KAZN: variants seen among roughly 807,000 people sequenced by gnomAD.
KAZN encodes the protein kazrin, periplakin interacting protein, also known as kazrin.
KAZN carries 40 observed loss-of-function variants against 87.4 expected under a neutral mutation model. The ratio of observed to expected loss-of-function variants is 0.46; its 90% CI spans 0.36 to 0.60. The LOEUF (loss-of-function observed/expected upper bound fraction) is 0.60, where lower values mean the gene tolerates loss of function less well. Ranked by LOEUF, KAZN falls within the 20% of genes least tolerant of loss-of-function variation. The probability of loss-of-function intolerance (pLI) is 0.00; values close to 1 mark genes in which losing one functional copy is unlikely to be tolerated. For synonymous variants in KAZN, 466 were observed against 458.3 expected, an observed-to-expected ratio of 1.02 and a Z score of -0.22; for missense variants, 898 against 1,073.9, an observed-to-expected ratio of 0.84 and a Z score of 2.29.
chr1:14,204,959 T>C (rs907106270), intron 2 of KAZN, among the ~76,000 whole-genome samples: 6 of 152,244 alleles, frequency 3.9e-5, no homozygotes, highest in Admixed American at 3.3e-4. Flanking sequence ...TCTGATTTCT[T>C]GCCAATATGA....
intron 13 of KAZN, among the ~76,000 whole-genome samples, chr1:15,109,924 GGT>G (rs202121050): frequency 2.7e-3 from 49 of 18,184 alleles, no homozygotes; most frequent in Admixed American, 5.4e-3. Flanking sequence ...TTTGTGTATG[GGT>G]GTGTGTGTGT....
At chr1:14,698,254 G>A (rs1641722790) in intron 1 of KAZN, among the ~76,000 whole-genome samples, 1 of 152,190 alleles carries the variant, frequency 6.6e-6, no homozygotes, top group Admixed American at 6.5e-5. Flanking sequence ...CAGAATGGTG[G>A]AAGTGAGCCG....
intron 2 of KAZN, among the ~76,000 whole-genome samples, chr1:14,358,353 A>G (rs1400014787): frequency 9.0e-6 from 1 of 111,138 alleles, no homozygotes; most frequent in East Asian, 2.1e-4. Flanking sequence ...TATTTTGTAA[A>G]TCTTTTAAAA....
At chr1:14,953,780 T>C (rs1662769856) in intron 1 of KAZN, among the ~76,000 whole-genome samples, 1 of 152,134 alleles carries the variant, frequency 6.6e-6, no homozygotes, top group Admixed American at 6.6e-5. Context: ...CTGCTGTAGC[T>C]CTAGCCATTG....
intron 2 of KAZN, among the ~76,000 whole-genome samples, chr1:14,294,273 A>G (rs1045995952): frequency 3.3e-5 from 5 of 152,168 alleles, no homozygotes; most frequent in African/African-American, 1.2e-4. Context: ...TTCCCTAGGC[A>G]TCGCAAAGCT....
chr1:14,591,293 C>T (rs1676184500), intron 2 of KAZN, among the ~76,000 whole-genome samples: 1 of 151,964 alleles, frequency 6.6e-6, no homozygotes, highest in South Asian at 2.1e-4. Flanking sequence ...AAATATTTGT[C>T]TCTGGGTTAT....
At chr1:14,274,088 C>T (rs543403569) in intron 2 of KAZN, among the ~76,000 whole-genome samples, 5 of 152,278 alleles carry the variant, frequency 3.3e-5, no homozygotes, top group South Asian at 2.1e-4. Context: ...GCACCCACTA[C>T]GGTTCCTATG....
intron 1 of KAZN, among the ~76,000 whole-genome samples, chr1:14,729,505 C>T (rs549065693): frequency 1.3e-5 from 2 of 152,284 alleles, no homozygotes; most frequent in African/African-American, 2.4e-5. Context: ...TAGAGTAATG[C>T]CCTTCGCTGT....
intron 2 of KAZN, among the ~76,000 whole-genome samples, chr1:15,025,384 A>G (rs913907986): frequency 2.6e-5 from 4 of 152,172 alleles, no homozygotes; most frequent in Non-Finnish European, 4.4e-5. Flanking sequence ...CCTTGGTTCC[A>G]TGGAGTATGC....
intron 10 of KAZN, 104 bp from the exon 11 acceptor site, chr1:15,101,439 C>A: frequency 2.7e-6 from 2 of 748,102 alleles, no homozygotes; most frequent in Middle Eastern, 2.3e-4. Context: ...CTCCCCCAAC[C>A]CCATTGCTTT....
chr1:14,443,845 C>A (rs887196613), intron 2 of KAZN, among the ~76,000 whole-genome samples: 7 of 152,184 alleles, frequency 4.6e-5, no homozygotes, highest in Admixed American at 4.6e-4. Context: ...AATTTTATAG[C>A]AGGATTGTTC....
chr1:14,964,498 C>A (rs1304020763), intron 2 of KAZN, among the ~76,000 whole-genome samples: 1 of 152,134 alleles, frequency 6.6e-6, no homozygotes. Flanking sequence ...TCAGCCACCA[C>A]GAGCATCCTG....
At chr1:15,065,605 T>C in intron 7 of KAZN, 25 bp from the exon 8 acceptor site, 1 of 1,585,392 alleles carries the variant, frequency 6.3e-7, no homozygotes, top group Non-Finnish European at 8.6e-7. Context: ...CCCCACCCTC[T>C]TCCACGTGGC....
At chr1:14,912,997 T>C (rs1034274324) in intron 1 of KAZN, among the ~76,000 whole-genome samples, 21 of 152,130 alleles carry the variant, frequency 1.4e-4, no homozygotes, top group Non-Finnish European at 3.1e-4. Flanking sequence ...TATTGTTCTT[T>C]CCTAAGACCT....
chr1:15,008,474 G>T (rs1189609723), intron 2 of KAZN, among the ~76,000 whole-genome samples: 1 of 152,212 alleles, frequency 6.6e-6, no homozygotes, highest in Non-Finnish European at 1.5e-5. Flanking sequence ...GTTGTGTGAG[G>T]TGAGTGAGAC....
intron 1 of KAZN, among the ~76,000 whole-genome samples, chr1:14,113,914 G>T (rs1043664946): frequency 6.6e-6 from 1 of 152,180 alleles, no homozygotes; most frequent in African/African-American, 2.4e-5. Context: ...GTGTGTGGCC[G>T]TCTGAAATTA....
intron 2 of KAZN, among the ~76,000 whole-genome samples, chr1:15,018,912 G>A (rs958348320): frequency 6.6e-6 from 1 of 152,194 alleles, no homozygotes; most frequent in Non-Finnish European, 1.5e-5. Flanking sequence ...GTTTCCACCT[G>A]TGAGGTTGCT....
intron 4 of KAZN, among the ~76,000 whole-genome samples, chr1:15,053,062 G>T (rs948721692): frequency 6.6e-6 from 1 of 152,222 alleles, no homozygotes; most frequent in Non-Finnish European, 1.5e-5. Flanking sequence ...TTTGCAGGAG[G>T]GGGAGCTGAG....
At chr1:14,012,679 C>T (rs1159275757) in intron 1 of KAZN, among the ~76,000 whole-genome samples, 1 of 152,176 alleles carries the variant, frequency 6.6e-6, no homozygotes, top group African/African-American at 2.4e-5. Context: ...TTGGCACACA[C>T]CTGTAATCCC....
Sources: allele counts gnomAD v4.1 joint callset (sites outside exome capture counted in the v4.1 genomes callset), GRCh38; gene constraint gnomAD v4.1.1; transcripts MANE v1.5; gene names NCBI Gene and HGNC (gene_info 2026-07-23, HGNC 2026-07-21).